GARIN1B: variants seen among roughly 807,000 people sequenced by gnomAD.
GARIN1B encodes the protein golgi associated RAB2 interactor 1B.
chr7:128,726,748 G>C, the GARIN1B span: 2 of 1,529,468 alleles, frequency 1.3e-6, no homozygotes, highest in Non-Finnish European at 1.8e-6. Context: ...AGGAACTTTG[G>C]AACAAGATCT....
the GARIN1B span, chr7:128,723,349 C>G: frequency 1.2e-6 from 2 of 1,602,654 alleles, no homozygotes; most frequent in South Asian, 2.2e-5. Flanking sequence ...CAGCCTCTGA[C>G]ATTCCCTCCT....
chr7:128,715,382 C>G, the GARIN1B span: 1 of 1,583,500 alleles, frequency 6.3e-7, no homozygotes, highest in Non-Finnish European at 8.6e-7. Flanking sequence ...TGCCCAAGGC[C>G]AGGAGGGGAG....
chr7:128,731,143 GC>G, the GARIN1B span: 2 of 1,598,322 alleles, frequency 1.3e-6, no homozygotes. Flanking sequence ...GAGAATCTAT[GC>G]AAGCCTCGTC....
chr7:128,724,855 G>A, the GARIN1B span: 2 of 1,289,230 alleles, frequency 1.6e-6, no homozygotes, highest in Non-Finnish European at 2.0e-6. Flanking sequence ...GTACAGCTTG[G>A]AGGAGGCAAG....
chr7:128,721,458 C>T, the GARIN1B span, among the ~76,000 whole-genome samples: 1 of 152,078 alleles, frequency 6.6e-6, no homozygotes, highest in African/African-American at 2.4e-5. Context: ...ATATTAACCT[C>T]ATTATACATT....
At chr7:128,725,517 A>G in the GARIN1B span, among the ~76,000 whole-genome samples, 1 of 151,906 alleles carries the variant, frequency 6.6e-6, no homozygotes, top group Non-Finnish European at 1.5e-5. Flanking sequence ...GGTTATAGGC[A>G]CTCACTACCA....
chr7:128,727,847 C>A, the GARIN1B span, among the ~76,000 whole-genome samples: 1 of 152,138 alleles, frequency 6.6e-6, no homozygotes, highest in Admixed American at 6.6e-5. Context: ...TCGGTCATAA[C>A]CTCTCTTTCA....
the GARIN1B span, among the ~76,000 whole-genome samples, chr7:128,717,629 T>TA: frequency 6.6e-6 from 1 of 151,844 alleles, no homozygotes; most frequent in African/African-American, 2.4e-5. Flanking sequence ...GTATTTTTAA[T>TA]AGAGACAGGG....
chr7:128,727,321 C>T, the GARIN1B span, among the ~76,000 whole-genome samples: 1 of 152,222 alleles, frequency 6.6e-6, no homozygotes. Context: ...AAAATGTCTC[C>T]TTCCAGGCAA....
chr7:128,711,906 T>C, the GARIN1B span, among the ~76,000 whole-genome samples: 1 of 152,194 alleles, frequency 6.6e-6, no homozygotes, highest in Non-Finnish European at 1.5e-5. Flanking sequence ...CCAGGCATGT[T>C]GGCAGGTGCC....
At chr7:128,716,718 A>G in the GARIN1B span, 59 of 1,067,016 alleles carry the variant, frequency 5.5e-5, no homozygotes, top group Non-Finnish European at 7.5e-5. Context: ...TATCCAACCC[A>G]AAACATTAAT....
chr7:128,729,412 G>A, the GARIN1B span, among the ~76,000 whole-genome samples: 1 of 152,172 alleles, frequency 6.6e-6, no homozygotes, highest in Non-Finnish European at 1.5e-5. Context: ...TGGGTCTAGC[G>A]GGATTGAGAC....
At chr7:128,726,971 C>A in the GARIN1B span, 1 of 1,028,540 alleles carries the variant, frequency 9.7e-7, no homozygotes, top group South Asian at 1.4e-5. Flanking sequence ...CTGGTGCTGT[C>A]AGTATTGCCA....
At chr7:128,729,136 C>T in the GARIN1B span, among the ~76,000 whole-genome samples, 1 of 152,178 alleles carries the variant, frequency 6.6e-6, no homozygotes, top group Non-Finnish European at 1.5e-5. Flanking sequence ...AATTAACCAT[C>T]CCAGGTGGCC....
At chr7:128,724,936 T>C in the GARIN1B span, 1 of 1,174,186 alleles carries the variant, frequency 8.5e-7, no homozygotes, top group Middle Eastern at 2.8e-4. Flanking sequence ...CTTGAGCATA[T>C]CGAAACCTGG....
At chr7:128,714,075 G>C in the GARIN1B span, 54 of 1,535,692 alleles carry the variant, frequency 3.5e-5, no homozygotes, top group Non-Finnish European at 4.6e-5. Context: ...GCTATAACAG[G>C]TGCTGGAGCA....
the GARIN1B span, among the ~76,000 whole-genome samples, chr7:128,710,895 T>TGATCCGC: frequency 6.6e-6 from 1 of 152,096 alleles, no homozygotes; most frequent in Admixed American, 6.6e-5. Flanking sequence ...CAACCTCAGG[T>TGATCCGC]GATCCGCCCG....
chr7:128,729,449 T>C, the GARIN1B span, among the ~76,000 whole-genome samples: 1 of 152,208 alleles, frequency 6.6e-6, no homozygotes, highest in African/African-American at 2.4e-5. Flanking sequence ...TCCCAGGTAA[T>C]GCCCAAGGTG....
At chr7:128,713,727 G>T in the GARIN1B span, among the ~76,000 whole-genome samples, 1 of 152,300 alleles carries the variant, frequency 6.6e-6, no homozygotes, top group South Asian at 2.1e-4. Flanking sequence ...CACCATAGAA[G>T]TGGGCTTAAC....
Sources: allele counts gnomAD v4.1 joint callset (sites outside exome capture counted in the v4.1 genomes callset), GRCh38; gene constraint gnomAD v4.1.1; transcripts MANE v1.5; gene names NCBI Gene and HGNC (gene_info 2026-07-23, HGNC 2026-07-21).